SYN3: variants seen among roughly 807,000 people sequenced by gnomAD.
The protein encoded by SYN3 is synapsin-3.
Under a neutral mutation model 65.8 loss-of-function variants are expected in SYN3, and 35 were observed. The observed-to-expected ratio is 0.53, with a 90% CI of 0.41 to 0.70. The LOEUF is 0.70. Ranked by LOEUF, SYN3 falls within the 30% of genes least tolerant of loss-of-function variation. The pLI is 0.00. For synonymous variants in SYN3, 270 were observed against 292.9 expected, an observed-to-expected ratio of 0.92 and a Z score of 0.80; for missense variants, 680 against 749.0, an observed-to-expected ratio of 0.91 and a Z score of 1.08.
intron 6 of SYN3, among the ~76,000 whole-genome samples, chr22:32,796,414 T>C (rs149704032): frequency 3.9e-5 from 6 of 152,310 alleles, no homozygotes; most frequent in Middle Eastern, 6.8e-3. Context: ...CAGAGGCGAA[T>C]GTAGCCAGAG....
intron 7 of SYN3, among the ~76,000 whole-genome samples, chr22:32,569,557 C>CTA (rs1401047566): frequency 7.8e-5 from 6 of 76,594 alleles, no homozygotes; most frequent in Admixed American, 3.0e-4. Flanking sequence ...CTCTCTCTCT[C>CTA]TCTCTCTCTC....
At chr22:32,833,885 A>C in intron 6 of SYN3, 1 of 499,308 alleles carries the variant, frequency 2.0e-6, no homozygotes, top group African/African-American at 2.0e-5. Context: ...GATGGCACCT[A>C]TTGTAACTAA....
chr22:32,725,146 C>T (rs1009618799), intron 6 of SYN3, among the ~76,000 whole-genome samples: 1 of 152,034 alleles, frequency 6.6e-6, no homozygotes, highest in Non-Finnish European at 1.5e-5. Context: ...CAACACAACA[C>T]AACACAACGC....
intron 6 of SYN3, among the ~76,000 whole-genome samples, chr22:32,834,751 T>A (rs1425821722): frequency 6.6e-6 from 1 of 152,166 alleles, no homozygotes; most frequent in Admixed American, 6.5e-5. Context: ...GGGTGGCCCA[T>A]AAACCCAGAA....
At chr22:33,057,638 C>T (rs1201609148) in intron 1 of SYN3, 1 of 152,686 alleles carries the variant, frequency 6.5e-6, no homozygotes, top group Non-Finnish European at 1.5e-5. Flanking sequence ...CCCTCTTAGC[C>T]CCAGAAGCTC....
At chr22:32,982,088 G>A (rs1349811573) in intron 2 of SYN3, among the ~76,000 whole-genome samples, 2 of 152,148 alleles carry the variant, frequency 1.3e-5, no homozygotes, top group African/African-American at 4.8e-5. Flanking sequence ...CATTAAAAAT[G>A]TTATGGCATT....
chr22:32,658,082 G>A (rs920549714), intron 6 of SYN3, among the ~76,000 whole-genome samples: 2 of 152,210 alleles, frequency 1.3e-5, no homozygotes, highest in Admixed American at 6.5e-5. Context: ...AGCATGCTGA[G>A]GGGGAGGAGA....
At chr22:32,513,905 C>A in intron 13 of SYN3, 81 bp from the exon 14 acceptor site, 2 of 1,561,630 alleles carry the variant, frequency 1.3e-6, no homozygotes, top group South Asian at 1.2e-5. Flanking sequence ...TGCCTGTAAG[C>A]CAGATGGGCT....
rs138517430 is a variant in SYN3, at chr22:32,512,108, C to T, written c.*1584G>A. ...AGAAGGAGAGGGTCTCTGGCCCTGACGTCACCACTCCAGTTTGGTTTTGAA... is the reference window on the plus strand; with the variant it reads ...AGAAGGAGAGGGTCTCTGGCCCTGATGTCACCACTCCAGTTTGGTTTTGAA... On this transcript the variant is annotated 3_prime_UTR_variant, in exon 14 of 14. Transcript: ENST00000358763. 1.3e-4 allele frequency among the ~76,000 whole-genome samples: 20 copies of T among 152,194 alleles called. No individual in the cohort carries two copies. Among genetic ancestry groups the T allele is most frequent in the Admixed American group, 3.3e-4 (5 of 15,272 alleles).
chr22:32,541,683 C>T lies in SYN3; in HGVS notation c.805G>A (p.Asp269Asn), dbSNP rs1422193534. The T allele has an allele frequency of 6.2e-7, 1 of 1,613,890 alleles. No individual in the cohort carries two copies. Among genetic ancestry groups the T allele is most frequent in the African/African-American group, 1.3e-5 (1 of 74,872 alleles). Residue 269 changes from aspartate to asparagine, a missense_variant, in exon 8 of 14, where the codon GAC becomes AAC. Asp to Asn is a conservative substitution (Grantham distance 23, BLOSUM62 1). Transcript: ENST00000358763. ...IKVENQLDFQ[D>N]ITSVVAMAKT... Reference sequence around the variant, plus strand: ...GCCATGGCGACCACGCTGGTGATGTCCTGGAAGTCAAGCTGGTTTTCCACT... The same window carrying T: ...GCCATGGCGACCACGCTGGTGATGTTCTGGAAGTCAAGCTGGTTTTCCACT...
chr22:32,867,802 C>T (rs2048726300), intron 5 of SYN3, among the ~76,000 whole-genome samples: 1 of 152,120 alleles, frequency 6.6e-6, no homozygotes, highest in Admixed American at 6.5e-5. Context: ...AGCATGGTCT[C>T]GATCTCTTGA....
chr22:32,852,130 A>G (rs925423767), intron 6 of SYN3, among the ~76,000 whole-genome samples: 9 of 152,232 alleles, frequency 5.9e-5, no homozygotes, highest in Non-Finnish European at 1.0e-4. Context: ...TGTAAAATAG[A>G]TAACACCTTG....
At position 33,032,971 on chromosome 22, in the gene SYN3, C is replaced by T. The variant is rs1246799691; in HGVS notation, c.-163+25321G>A. Among the ~76,000 whole-genome samples the T allele has an allele frequency of 8.6e-5, 13 of 151,866 alleles. No homozygotes were observed. In the East Asian group the frequency reaches 2.1e-3, roughly 25 times the overall value. On this transcript the variant is annotated intron_variant, in intron 1 of 13. Coordinates refer to ENST00000358763, the MANE Select transcript of SYN3 (RefSeq NM_003490.4). ...TCAGGCACACGTTCTCAGGGCCTCT[C>T]GACTGCTCTCTAGGCCTAGGTCACC...
At chr22:32,580,078 G>T (rs959721699) in intron 7 of SYN3, among the ~76,000 whole-genome samples, 2 of 152,228 alleles carry the variant, frequency 1.3e-5, no homozygotes, top group East Asian at 1.9e-4. Flanking sequence ...TGGCCTAGGC[G>T]GGGAGGGGAG....
chr22:32,773,686 T>C lies in SYN3; in HGVS notation c.711+91229A>G, dbSNP rs189179974. 5.5e-4 allele frequency among the ~76,000 whole-genome samples: 84 copies of C among 152,324 alleles called. 1 individual carries two copies. Among genetic ancestry groups the C allele is most frequent in the African/African-American group, 1.7e-3 (71 of 41,568 alleles). ...AATTTGCACCCACTGGTCTATTGTA[T>C]GCTGGGCTCTGGGCTGGGCCTTGAG... On this transcript the variant is annotated intron_variant, in intron 6 of 13. Coordinates refer to ENST00000358763, the MANE Select transcript of SYN3 (RefSeq NM_003490.4).
intron 6 of SYN3, among the ~76,000 whole-genome samples, chr22:32,756,150 C>T (rs1310840854): frequency 6.6e-6 from 1 of 151,916 alleles, no homozygotes; most frequent in Non-Finnish European, 1.5e-5. Flanking sequence ...AGCAAACCAC[C>T]ATGGCACGTG....
rs546705155 is a variant in SYN3, at chr22:32,658,070, A to C, written c.712-61334T>G. 5.9e-5 allele frequency among the ~76,000 whole-genome samples: 9 copies of C among 152,286 alleles called. No individual in the cohort carries two copies. In the South Asian group the frequency reaches 1.9e-3, roughly 32 times the overall value. On this transcript the variant is annotated intron_variant, in intron 6 of 13. Coordinates refer to ENST00000358763, the MANE Select transcript of SYN3 (RefSeq NM_003490.4). Reference sequence around the variant, plus strand: ...CCTCTGGGATGGATTTGAGGACGTTAAAGCATGCTGAGGGGGAGGAGAGAG... The same window carrying C: ...CCTCTGGGATGGATTTGAGGACGTTCAAGCATGCTGAGGGGGAGGAGAGAG...
chr22:32,882,077 G>A (rs1569300475), intron 4 of SYN3, among the ~76,000 whole-genome samples: 1 of 149,668 alleles, frequency 6.7e-6, no homozygotes. Context: ...AAGGAACCTC[G>A]AGGGTTTCCT....
intron 6 of SYN3, among the ~76,000 whole-genome samples, chr22:32,674,276 G>A (rs2060410968): frequency 1.3e-5 from 2 of 152,218 alleles, no homozygotes; most frequent in African/African-American, 4.8e-5. Flanking sequence ...CCTGAGGGAT[G>A]GTTCTGGAGT....
Sources: gnomAD v4.1 joint callset for allele counts (sites outside exome capture counted in the v4.1 genomes callset) on GRCh38, gnomAD v4.1.1 for gene constraint, MANE v1.5 for transcripts, NCBI Gene and HGNC (gene_info 2026-07-23, HGNC 2026-07-21) for gene names.